NEK11: variants seen among roughly 807,000 people sequenced by gnomAD.
NEK11 encodes NIMA related kinase 11.
NEK11 carries 72 observed loss-of-function variants against 80.7 expected under a neutral mutation model. The ratio of observed to expected loss-of-function variants is 0.89; its 90% CI spans 0.74 to 1.08. NEK11 has a LOEUF of 1.08. Among genes scored for constraint, NEK11 ranks in the 50% least tolerant of loss-of-function variants. NEK11 has a pLI of 0.00. For missense variants in NEK11, 764 were observed against 763.6 expected (o/e 1.00, Z -0.01); for synonymous variants, 251 against 260.7 (o/e 0.96, Z 0.36).
At chr3:131,192,398 A>C (rs1010945403) in intron 14 of NEK11, among the ~76,000 whole-genome samples, 27 of 152,146 alleles carry the variant, frequency 1.8e-4, no homozygotes, top group Admixed American at 1.4e-3. Context: ...AAAATTAAAC[A>C]TGGAATTACC....
chr3:131,062,770 T>G (rs1349419986), intron 3 of NEK11, among the ~76,000 whole-genome samples: 1 of 152,190 alleles, frequency 6.6e-6, no homozygotes, highest in Non-Finnish European at 1.5e-5. Flanking sequence ...AGTAGAGATG[T>G]GACTCCACAG....
chr3:131,299,847 C>T (rs2096641901), intron 17 of NEK11, among the ~76,000 whole-genome samples: 1 of 152,148 alleles, frequency 6.6e-6, no homozygotes, highest in Non-Finnish European at 1.5e-5. Context: ...ATGTGTTGCA[C>T]TTGTCTTTAT....
intron 17 of NEK11, among the ~76,000 whole-genome samples, chr3:131,287,083 A>G (rs1003926223): frequency 6.6e-6 from 1 of 152,160 alleles, no homozygotes; most frequent in East Asian, 1.9e-4. Flanking sequence ...TTTTCTGTCC[A>G]TCTGTGCCCA....
chr3:131,200,213 A>C (rs774147863), intron 14 of NEK11, among the ~76,000 whole-genome samples: 1 of 152,220 alleles, frequency 6.6e-6, no homozygotes, highest in Non-Finnish European at 1.5e-5. Flanking sequence ...CTGTGTACTG[A>C]AAGAAAGTAA....
intron 5 of NEK11, among the ~76,000 whole-genome samples, chr3:131,111,454 C>T (rs540069076): frequency 6.6e-6 from 1 of 152,112 alleles, no homozygotes; most frequent in African/African-American, 2.4e-5. Flanking sequence ...TGTTTCGGTT[C>T]ATTCATTCCT....
chr3:131,334,570 G>A (rs7372642), intron 17 of NEK11, among the ~76,000 whole-genome samples: 56,424 of 145,478 alleles, frequency 0.39, 12,741 homozygotes, highest in Non-Finnish European at 0.52. Flanking sequence ...AGAAAAGCAA[G>A]AGCAAACACA....
intron 17 of NEK11, among the ~76,000 whole-genome samples, chr3:131,319,098 T>G (rs2109675721): frequency 6.6e-6 from 1 of 152,258 alleles, no homozygotes; most frequent in East Asian, 1.9e-4. Flanking sequence ...CAGACTAAGA[T>G]AAATATCTTG....
At chr3:131,303,074 A>G (rs1368244572) in intron 17 of NEK11, among the ~76,000 whole-genome samples, 1 of 152,162 alleles carries the variant, frequency 6.6e-6, no homozygotes, top group Non-Finnish European at 1.5e-5. Context: ...ACCCTTTACC[A>G]TTATGTAGTG....
chr3:131,349,519 G>C, intron 17 of NEK11, 38 bp from the exon 18 acceptor site: 4 of 1,535,482 alleles, frequency 2.6e-6, no homozygotes, highest in Non-Finnish European at 3.6e-6. Flanking sequence ...TGATCTTAAT[G>C]TGTAACTCTT....
chr3:131,139,147 A>G (rs1425929679), intron 7 of NEK11, among the ~76,000 whole-genome samples: 1 of 152,052 alleles, frequency 6.6e-6, no homozygotes, highest in East Asian at 1.9e-4. Flanking sequence ...ACAGAGAAGG[A>G]ATTCAGATTT....
chr3:131,035,504 C>T (rs537051474), intron 3 of NEK11, among the ~76,000 whole-genome samples: 15 of 152,316 alleles, frequency 9.8e-5, no homozygotes, highest in East Asian at 5.8e-4. Flanking sequence ...CACTAACTGG[C>T]ATGGAGTCAA....
At chr3:131,173,422 T>C (rs755758202) in intron 14 of NEK11, among the ~76,000 whole-genome samples, 1 of 152,086 alleles carries the variant, frequency 6.6e-6, no homozygotes, top group African/African-American at 2.4e-5. Context: ...GGATATTGAA[T>C]GGGTGGTCTA....
intron 17 of NEK11, among the ~76,000 whole-genome samples, chr3:131,336,799 G>A (rs575044775): frequency 9.2e-5 from 14 of 152,168 alleles, no homozygotes; most frequent in Non-Finnish European, 1.5e-4. Context: ...CAAAAAGTGG[G>A]TGAAGGACAT....
At chr3:131,272,495 A>ATTTTTTT (rs2096215548) in intron 16 of NEK11, among the ~76,000 whole-genome samples, 1 of 19,080 alleles carries the variant, frequency 5.2e-5, no homozygotes. Flanking sequence ...TTTTTTTTTG[A>ATTTTTTT]GACAGAGCCT....
At chr3:131,243,526 C>T in intron 16 of NEK11, 30 bp downstream of exon 16, 1 of 1,549,452 alleles carries the variant, frequency 6.5e-7, no homozygotes. Flanking sequence ...CTTCAAAATA[C>T]ATTGACAGCT....
At chr3:131,239,367 G>A (rs184373470) in intron 15 of NEK11, among the ~76,000 whole-genome samples, 3 of 152,250 alleles carry the variant, frequency 2.0e-5, no homozygotes, top group South Asian at 2.1e-4. Flanking sequence ...AAGGTTATGC[G>A]TACTCTACTC....
chr3:131,092,538 T>G (rs1411681071), intron 4 of NEK11, among the ~76,000 whole-genome samples: 2 of 152,288 alleles, frequency 1.3e-5, no homozygotes, highest in East Asian at 3.9e-4. Context: ...TCAGACATAT[T>G]TATGAAAGGG....
chr3:131,140,756 G>A (rs1459825729), intron 7 of NEK11, among the ~76,000 whole-genome samples: 1 of 152,198 alleles, frequency 6.6e-6, no homozygotes. Flanking sequence ...TGGTCTGTTT[G>A]ATGGGTAGAA....
intron 12 of NEK11, among the ~76,000 whole-genome samples, chr3:131,167,830 G>A (rs909903137): frequency 6.6e-6 from 1 of 152,208 alleles, no homozygotes; most frequent in African/African-American, 2.4e-5. Flanking sequence ...AAGGAGCAAA[G>A]GGAGCAGGAG....
Sources: allele counts gnomAD v4.1 joint callset (sites outside exome capture counted in the v4.1 genomes callset), GRCh38; gene constraint gnomAD v4.1.1; transcripts MANE v1.5; gene names NCBI Gene and HGNC (gene_info 2026-07-23, HGNC 2026-07-21).